The following MME variants were observed in gnomAD, a reference collection of about 807,000 sequenced individuals.
MME encodes membrane metalloendopeptidase, also known as neprilysin.
Under a neutral mutation model 113.2 loss-of-function variants are expected in MME, and 98 were observed. The observed-to-expected ratio is 0.87, with a 90% CI of 0.74 to 1.02. The LOEUF is 1.02. MME is among the 50% of genes least tolerant of loss of function. The pLI, the probability that MME is intolerant of heterozygous loss-of-function variation, is 0.00. For synonymous variants in MME, 292 were observed against 300.6 expected (o/e 0.97, Z 0.30); for missense variants, 836 against 896.0 (o/e 0.93, Z 0.86).
chr3:155,041,044 CA>C (rs1055776811), intron 1 of MME, among the ~76,000 whole-genome samples: 2 of 152,142 alleles, frequency 1.3e-5, no homozygotes, highest in African/African-American at 2.4e-5. Context: ...CTCTCCCACA[CA>C]ACAGAGAACA....
chr3:155,044,348 G>T (rs549142719), intron 1 of MME, among the ~76,000 whole-genome samples: 2 of 151,616 alleles, frequency 1.3e-5, no homozygotes, highest in African/African-American at 4.8e-5. Flanking sequence ...GGCCAGGCTG[G>T]TCTTGAACTC....
At chr3:155,107,644 G>C (rs1717802612) in intron 3 of MME, among the ~76,000 whole-genome samples, 1 of 152,130 alleles carries the variant, frequency 6.6e-6, no homozygotes, top group Non-Finnish European at 1.5e-5. Flanking sequence ...TTCTCTGTTT[G>C]CTAATTCACC....
chr3:155,088,530 A>AAAAT (rs1715981404), intron 3 of MME, among the ~76,000 whole-genome samples: 3 of 152,022 alleles, frequency 2.0e-5, no homozygotes, highest in African/African-American at 7.2e-5. Context: ...CTAAAAATAC[A>AAAAT]AAATTAGCCG....
In MME at chr3:155,115,151, GA is replaced by G; in HGVS notation, c.357del (p.Asp120MetfsTer11). 1 of 1,613,962 alleles carries G rather than the reference GA, an allele frequency of 6.2e-7. No individual in the cohort carries two copies. Among genetic ancestry groups the G allele is most frequent in the Non-Finnish European group, 8.5e-7 (1 of 1,179,944 alleles). ...ILRDELEVVL[K>X]DVLQEPKTED... Reference sequence around the variant, plus strand: ...TAAGAGATGAACTAGAAGTCGTTTTGAAAGGTTAGTAGAGATTGTGTCTGTG... The same window carrying G: ...TAAGAGATGAACTAGAAGTCGTTTTGAAGGTTAGTAGAGATTGTGTCTGTG... On this transcript the variant is annotated frameshift_variant, in exon 4 of 23. Transcript: ENST00000360490. LOFTEE classifies it high-confidence loss of function.
chr3:155,096,432 G>C (rs1716747063), intron 3 of MME, among the ~76,000 whole-genome samples: 1 of 152,206 alleles, frequency 6.6e-6, no homozygotes, highest in Non-Finnish European at 1.5e-5. Flanking sequence ...ATGAAGATAT[G>C]AGAGTGGAGG....
intron 1 of MME, among the ~76,000 whole-genome samples, chr3:155,062,779 G>A (rs760664993): frequency 6.6e-6 from 1 of 151,872 alleles, no homozygotes; most frequent in Admixed American, 6.6e-5. Flanking sequence ...AATTGACTGG[G>A]CGCAGTGGCT....
chr3:155,117,029 A>T (rs1449901342), intron 7 of MME, 43 bp downstream of exon 7: 1 of 1,072,678 alleles, frequency 9.3e-7, no homozygotes, highest in Non-Finnish European at 1.5e-6. Context: ...TTTAAATTGT[A>T]ATAAAACTTC....
chr3:155,140,285 A>C lies in MME; in HGVS notation c.950A>C (p.Asn317Thr). 1 of 1,604,824 alleles carries C rather than the reference A, an allele frequency of 6.2e-7. No individual in the cohort carries two copies. The highest frequency in any genetic ancestry group is 8.5e-7 in the Non-Finnish European group (1 of 1,171,988). ...QIQNNFSLEI[N>T]GKPFSWLNFT... ...CAAAATAACTTTTCACTAGAGATCAATGGGAAGGTAAGTGGTAAGTTTTTT... is the reference window on the plus strand; with the variant it reads ...CAAAATAACTTTTCACTAGAGATCACTGGGAAGGTAAGTGGTAAGTTTTTT... The change falls in exon 10 of 23, where the codon AAT becomes ACT. Residue 317 changes from asparagine (N) to threonine (T), a missense_variant. Asn to Thr is a moderately conservative substitution (Grantham distance 65). Coordinates refer to ENST00000360490, the MANE Select transcript of MME (RefSeq NM_007289.4).
rs573151810 is a variant in MME, at chr3:155,070,537, A to G, written c.-10-13621A>G. 6.6e-5 allele frequency among the ~76,000 whole-genome samples: 10 copies of G among 152,332 alleles called. 1 individual carries two copies. The South Asian group carries it at 1.9e-3, about 28-fold the overall frequency. ...GACCAGCTGATGAAAAGGATTAAGA[A>G]TGATGGGGTTCAAGATAAGCTTTAT... On this transcript the variant is annotated intron_variant, in intron 1 of 22. Transcript: ENST00000492661.
intron 1 of MME, among the ~76,000 whole-genome samples, chr3:155,065,830 A>T (rs1170525571): frequency 6.6e-6 from 1 of 152,198 alleles, no homozygotes; most frequent in Non-Finnish European, 1.5e-5. Flanking sequence ...ATAATATGAC[A>T]CTGTGGTCAT....
rs201305816 is a variant in MME, at chr3:155,183,344, A to G, written c.*2885A>G. 6.6e-6 allele frequency: 1 copy of G among 152,184 alleles called. No individual in the cohort carries two copies. Among genetic ancestry groups the G allele is most frequent in the Non-Finnish European group, 1.5e-5 (1 of 68,040 alleles). 9.4% of individuals were successfully genotyped at this position (152,184 alleles called of 1,614,324 possible). On this transcript the variant is annotated 3_prime_UTR_variant, in exon 23 of 23. Coordinates refer to ENST00000360490, the MANE Select transcript of MME (RefSeq NM_007289.4). ...TCAGCAAGAGAAGGAGTATGTGTCC[A>G]ATGCTGCCTTCCCATGAATCTGTCT...
chr3:155,147,368 AATG>A, intron 15 of MME, 144 bp downstream of exon 15: 1 of 662,298 alleles, frequency 1.5e-6, no homozygotes, highest in Non-Finnish European at 2.8e-6. Flanking sequence ...CTGGTGCCAG[AATG>A]ATATTTGTTT....
intron 16 of MME, among the ~76,000 whole-genome samples, chr3:155,152,850 A>G (rs1722033217): frequency 6.6e-6 from 1 of 152,076 alleles, no homozygotes; most frequent in African/African-American, 2.4e-5. Flanking sequence ...CAAAGAAAAA[A>G]AAAAAATGGT....
chr3:155,114,801 C>A (rs930735728), intron 3 of MME, among the ~76,000 whole-genome samples, 193 bp from the exon 4 acceptor site: 5 of 152,156 alleles, frequency 3.3e-5, no homozygotes, highest in African/African-American at 1.2e-4. Context: ...TAAAACGAAC[C>A]AACTATAGTG....
At chr3:155,059,901 G>T (rs771007506) in intron 1 of MME, among the ~76,000 whole-genome samples, 1 of 151,930 alleles carries the variant, frequency 6.6e-6, no homozygotes, top group Non-Finnish European at 1.5e-5. Flanking sequence ...CAAATAAAAT[G>T]AAAAAAATTA....
intron 1 of MME, chr3:155,080,921 A>G (rs779415028): frequency 6.6e-6 from 1 of 152,138 alleles, no homozygotes; most frequent in Non-Finnish European, 1.5e-5. Context: ...CACTTTAAAA[A>G]ATTGTCTGGT....
At position 155,080,328 on chromosome 3, in the gene MME, T is replaced by A. The variant is rs1715006833; in HGVS notation, c.-149T>A. 1 of 152,392 alleles carries A rather than the reference T, an allele frequency of 6.6e-6. No homozygotes were observed. Among genetic ancestry groups the A allele is most frequent in the Non-Finnish European group, 1.5e-5 (1 of 68,124 alleles). 9.4% of individuals were successfully genotyped at this position (152,392 alleles called of 1,614,324 possible). On this transcript the variant is annotated 5_prime_UTR_variant, in exon 1 of 23. Transcript: ENST00000360490. ...CTTCAGGTTCATTTCCATAGTTCCC[T>A]GCGGCCTCTGCCTTGGGGAGTTATG...
chr3:155,042,900 TTATA>T (rs1159626877), intron 1 of MME, among the ~76,000 whole-genome samples: 109 of 62,908 alleles, frequency 1.7e-3, no homozygotes, highest in Non-Finnish European at 2.1e-3. Context: ...ATAGTAGGTT[TTATA>T]TATATATATA....
At chr3:155,136,891 C>T (rs1378529022) in intron 8 of MME, among the ~76,000 whole-genome samples, 2 of 152,116 alleles carry the variant, frequency 1.3e-5, no homozygotes, top group Admixed American at 1.3e-4. Context: ...AGAAATCTCA[C>T]CTATCCATAA....
Sources: gnomAD v4.1 joint callset for allele counts (sites outside exome capture counted in the v4.1 genomes callset) on GRCh38, gnomAD v4.1.1 for gene constraint, MANE v1.5 for transcripts, NCBI Gene and HGNC (gene_info 2026-07-23, HGNC 2026-07-21) for gene names.